Variants in PKHD1 observed in about 807,000 individuals in gnomAD.
The protein encoded by PKHD1 is fibrocystin.
A neutral mutation model predicts 412.0 loss-of-function variants in PKHD1; 291 were observed. The ratio of observed to expected loss-of-function variants is 0.71; its 90% CI spans 0.64 to 0.78. The LOEUF (loss-of-function observed/expected upper bound fraction) is 0.78. Among genes scored for constraint, PKHD1 ranks in the 30% least tolerant of loss-of-function variants. The probability of loss-of-function intolerance (pLI) is 0.00; values close to 1 mark genes in which losing one functional copy is unlikely to be tolerated. For synonymous variants in PKHD1, 1,777 were observed against 1,821.5 expected (o/e 0.98, Z 0.62); for missense variants, 4,825 against 4,950.7 (o/e 0.97, Z 0.76).
intron 62 of PKHD1, 124 bp from the exon 63 acceptor site, chr6:51,648,242 A>C: frequency 1.6e-6 from 1 of 644,610 alleles, no homozygotes; most frequent in Non-Finnish European, 2.8e-6. Flanking sequence ...AAATAAAGGA[A>C]AGAAAGTGAT....
chr6:51,793,255 G>A (rs1265545389), intron 52 of PKHD1, among the ~76,000 whole-genome samples: 1 of 152,124 alleles, frequency 6.6e-6, no homozygotes, highest in Non-Finnish European at 1.5e-5. Context: ...TCTAGGTTTA[G>A]CACACATTTT....
intron 63 of PKHD1, among the ~76,000 whole-genome samples, chr6:51,639,779 C>A (rs1769101145): frequency 6.6e-6 from 1 of 152,082 alleles, no homozygotes; most frequent in South Asian, 2.1e-4. Flanking sequence ...ATATGATTGG[C>A]ATGGTGGACA....
At chr6:51,632,479 G>A (rs1768042482) in intron 65 of PKHD1, 86 bp downstream of exon 65, 2 of 1,174,220 alleles carry the variant, frequency 1.7e-6, no homozygotes, top group Admixed American at 2.3e-5. Context: ...TTGTCTTTGG[G>A]GAAAGAAACA....
chr6:51,997,862 G>A (rs2115814), intron 35 of PKHD1, among the ~76,000 whole-genome samples: 2,088 of 152,236 alleles, frequency 0.014, 50 homozygotes, highest in African/African-American at 0.047. Flanking sequence ...CCCATCAGTC[G>A]TTTCTGCCTA....
At chr6:51,971,012 T>A (rs1028209981) in intron 35 of PKHD1, among the ~76,000 whole-genome samples, 1 of 152,212 alleles carries the variant, frequency 6.6e-6, no homozygotes, top group Non-Finnish European at 1.5e-5. Context: ...TGATAGTAAT[T>A]CCATAGAATC....
Position 52,014,308 on chromosome 6 carries a change from G to A in PKHD1, c.5600+3102C>T, listed in dbSNP as rs559917153. Among the ~76,000 whole-genome samples the A allele has an allele frequency of 1.0e-3, 159 of 152,136 alleles. 1 individual carries two copies. Among genetic ancestry groups the A allele is most frequent in the Non-Finnish European group, 1.5e-3 (104 of 68,038 alleles). On this transcript the variant is annotated intron_variant, in intron 34 of 66. Transcript: ENST00000371117. ...GCCTCCTCTGAGTACACTCTCTAAA[G>A]TAGCCCCCCTTTATTTTTCTATCAC...
At chr6:51,790,417 C>T (rs571711954) in intron 53 of PKHD1, among the ~76,000 whole-genome samples, 2 of 152,252 alleles carry the variant, frequency 1.3e-5, no homozygotes, top group African/African-American at 2.4e-5. Flanking sequence ...TTCTGCCTGT[C>T]CTGTGGCCTC....
chr6:51,980,839 C>T (rs1795048303), intron 35 of PKHD1, among the ~76,000 whole-genome samples: 1 of 152,186 alleles, frequency 6.6e-6, no homozygotes, highest in African/African-American at 2.4e-5. Context: ...AACCCTTTAT[C>T]TGTGAGCCAA....
At chr6:51,713,171 G>T (rs989659283) in intron 60 of PKHD1, among the ~76,000 whole-genome samples, 1 of 152,144 alleles carries the variant, frequency 6.6e-6, no homozygotes, top group African/African-American at 2.4e-5. Flanking sequence ...GTGCAAGAGA[G>T]GAAATTTAGT....
At position 51,748,409 on chromosome 6, in the gene PKHD1, T is replaced by C. The variant is rs765929159; in HGVS notation, c.9207A>G (p.Thr3069=). The C allele has an allele frequency of 6.2e-7, 1 of 1,614,070 alleles. No homozygotes were observed. The highest frequency in any genetic ancestry group is 8.5e-7 in the Non-Finnish European group (1 of 1,179,962). ...CCCAAATGGTGGACCACGCTGGCTG[T>C]GTCATCAGAACCACAAGGTTATTAG... is the stretch of plus-strand genomic sequence containing the variant. ...TVTNNLVVLM[T]QPAWSTIWVA... is the part of the protein sequence containing the mutation. The change falls in exon 58 of 67, where the codon ACA becomes ACG. Residue 3069 remains threonine (T), a synonymous_variant. Coordinates refer to ENST00000371117, the MANE Select transcript of PKHD1 (RefSeq NM_138694.4).
chr6:51,773,639 C>T (rs1790517660), intron 54 of PKHD1, among the ~76,000 whole-genome samples: 1 of 151,406 alleles, frequency 6.6e-6, no homozygotes, highest in Non-Finnish European at 1.5e-5. Flanking sequence ...GTATTGTCTG[C>T]ATATCCCTGG....
chr6:51,886,578 G>A (rs999849565), intron 44 of PKHD1, among the ~76,000 whole-genome samples: 1 of 152,166 alleles, frequency 6.6e-6, no homozygotes, highest in African/African-American at 2.4e-5. Flanking sequence ...TCATTTAAAT[G>A]AGAAATCTAA....
At chr6:51,623,793 G>T (rs1056159877) in intron 66 of PKHD1, among the ~76,000 whole-genome samples, 3 of 152,016 alleles carry the variant, frequency 2.0e-5, no homozygotes, top group Non-Finnish European at 4.4e-5. Flanking sequence ...CACCACATTG[G>T]CTAGGCTGGT....
At chr6:51,732,153 G>C (rs914297182) in intron 60 of PKHD1, among the ~76,000 whole-genome samples, 3 of 151,990 alleles carry the variant, frequency 2.0e-5, no homozygotes, top group African/African-American at 7.2e-5. Flanking sequence ...TTTTAGCCTG[G>C]ATGCTAAGAT....
At chr6:51,864,369 C>T (rs1184301632) in intron 48 of PKHD1, among the ~76,000 whole-genome samples, 7 of 152,000 alleles carry the variant, frequency 4.6e-5, no homozygotes, top group Admixed American at 1.3e-4. Flanking sequence ...ATTGAAACAC[C>T]GAAAAATGGC....
chr6:51,865,022 T>A (rs909557339), intron 48 of PKHD1, among the ~76,000 whole-genome samples: 10 of 152,132 alleles, frequency 6.6e-5, no homozygotes, highest in Non-Finnish European at 8.8e-5. Flanking sequence ...GGAGAAAAAC[T>A]GTCACTGGCA....
At chr6:51,848,321 G>C in intron 49 of PKHD1, among the ~76,000 whole-genome samples, 1 of 152,182 alleles carries the variant, frequency 6.6e-6, no homozygotes, top group South Asian at 2.1e-4. Flanking sequence ...GCCAGGTCTA[G>C]AATTCCTTTC....
intron 63 of PKHD1, among the ~76,000 whole-genome samples, chr6:51,644,876 T>C (rs543563196): frequency 2.6e-5 from 4 of 152,246 alleles, no homozygotes; most frequent in East Asian, 3.9e-4. Context: ...GACGGGGTTT[T>C]ACCATGTTGG....
chr6:51,867,928 A>C lies in PKHD1; in HGVS notation c.7668T>G (p.Phe2556Leu). ...AGGCACTGCCATGGACAACCCGACC[A>C]AAGCTTGAATTGACCAAACAAGAAG... ...LSASCLVNSS[F>L]GRVVHGSACG... is the part of the protein sequence containing the mutation. Residue 2556 changes from phenylalanine (F) to leucine (L), a missense_variant, in exon 48 of 67, where the codon TTT becomes TTG. Coordinates refer to ENST00000371117, the MANE Select transcript of PKHD1 (RefSeq NM_138694.4). The C allele has an allele frequency of 6.2e-7, 1 of 1,613,338 alleles. No individual in the cohort carries two copies. The highest frequency in any genetic ancestry group is 8.5e-7 in the Non-Finnish European group (1 of 1,179,360).
Sources: gnomAD v4.1 joint callset for allele counts (sites outside exome capture counted in the v4.1 genomes callset) on GRCh38, gnomAD v4.1.1 for gene constraint, MANE v1.5 for transcripts, NCBI Gene and HGNC (gene_info 2026-07-23, HGNC 2026-07-21) for gene names.